The following CTNNA2 variants were observed in gnomAD, a reference collection of about 807,000 sequenced individuals.
The protein encoded by CTNNA2 is catenin alpha-2.
Under a neutral mutation model 101.0 loss-of-function variants are expected in CTNNA2, and 42 were observed. The observed-to-expected ratio is 0.42, with a 90% CI of 0.32 to 0.54. CTNNA2 has a LOEUF of 0.54. Among genes scored for constraint, CTNNA2 ranks in the 20% least tolerant of loss-of-function variants. CTNNA2 has a pLI of 0.14. For synonymous variants in CTNNA2, 450 were observed against 456.4 expected (o/e 0.99, Z 0.18); for missense variants, 871 against 1,223.1 (o/e 0.71, Z 4.29).
chr2:80,272,034 A>G (rs1359455339), intron 7 of CTNNA2, among the ~76,000 whole-genome samples: 1 of 152,212 alleles, frequency 6.6e-6, no homozygotes, highest in Non-Finnish European at 1.5e-5. Flanking sequence ...AGGAGGAAAC[A>G]CTTTTTGAAA....
At chr2:79,920,044 C>A in intron 7 of CTNNA2, among the ~76,000 whole-genome samples, 1 of 151,894 alleles carries the variant, frequency 6.6e-6, no homozygotes, top group East Asian at 1.9e-4. Flanking sequence ...TGGTGAAACC[C>A]CGTCTCTACA....
chr2:80,123,222 G>A (rs967659085), intron 7 of CTNNA2, among the ~76,000 whole-genome samples: 5 of 152,098 alleles, frequency 3.3e-5, no homozygotes, highest in South Asian at 2.1e-4. Context: ...CAAGCATTTC[G>A]TTCTTTTCTT....
chr2:80,199,112 C>A (rs149300330), intron 7 of CTNNA2, among the ~76,000 whole-genome samples: 2,522 of 126,730 alleles, frequency 0.02, 31 homozygotes, highest in South Asian at 0.058. Flanking sequence ...ACCCAGGAGG[C>A]GGAGGTTGCA....
intron 9 of CTNNA2, among the ~76,000 whole-genome samples, chr2:80,516,108 G>C (rs1689089577): frequency 6.6e-6 from 1 of 152,192 alleles, no homozygotes; most frequent in Non-Finnish European, 1.5e-5. Flanking sequence ...CTGAGGCAGA[G>C]TGTGTGAAGC....
intron 3 of CTNNA2, among the ~76,000 whole-genome samples, chr2:79,370,016 G>T (rs924747041): frequency 6.6e-6 from 1 of 152,158 alleles, no homozygotes; most frequent in Non-Finnish European, 1.5e-5. Flanking sequence ...GCGAAGAGGA[G>T]GTGCTCAACT....
At chr2:79,197,526 T>C (rs1673977252) in intron 1 of CTNNA2, among the ~76,000 whole-genome samples, 1 of 151,366 alleles carries the variant, frequency 6.6e-6, no homozygotes, top group South Asian at 2.1e-4. Flanking sequence ...GTCAGAGTTC[T>C]ACCATAATGT....
chr2:79,721,010 A>G (rs563068271), intron 2 of CTNNA2, among the ~76,000 whole-genome samples: 1 of 152,102 alleles, frequency 6.6e-6, no homozygotes, highest in East Asian at 1.9e-4. Flanking sequence ...GGGGTTTAAG[A>G]GCCAAAATTT....
chr2:79,874,386 TG>T, intron 6 of CTNNA2, 44 bp downstream of exon 6: 1 of 1,559,546 alleles, frequency 6.4e-7, no homozygotes, highest in Admixed American at 2.0e-5. Flanking sequence ...GCACTGGTGT[TG>T]ACAAAAAAAA....
Position 79,780,962 on chromosome 2 carries a change from G to T in CTNNA2, c.298+36380G>T, listed in dbSNP as rs550760591. ...AGATGTCCTAGTATTACAGAAAAAGGGTTCCAATCCAGACCCCAAGAGAGG... is the reference window on the plus strand; with the variant it reads ...AGATGTCCTAGTATTACAGAAAAAGTGTTCCAATCCAGACCCCAAGAGAGG... On this transcript the variant is annotated intron_variant, in intron 3 of 18. Coordinates refer to ENST00000402739, the MANE Select transcript of CTNNA2 (RefSeq NM_001282597.3). Among the ~76,000 whole-genome samples, 6 of 152,222 alleles carry T rather than the reference G, an allele frequency of 3.9e-5. No homozygotes were observed. The East Asian group carries it at 1.2e-3, about 29-fold the overall frequency.
intron 2 of CTNNA2, among the ~76,000 whole-genome samples, chr2:79,670,161 C>A (rs2104577635): frequency 1.3e-5 from 2 of 152,296 alleles, no homozygotes; most frequent in South Asian, 2.1e-4. Flanking sequence ...TCACGCCCTG[C>A]CAACTTGGAA....
chr2:79,544,023 C>G (rs1447210540), intron 1 of CTNNA2, among the ~76,000 whole-genome samples: 1 of 151,798 alleles, frequency 6.6e-6, no homozygotes, highest in African/African-American at 2.4e-5. Context: ...GCTGCAAACC[C>G]TGCCTCCTGG....
chr2:80,583,922 C>G (rs547018206), intron 14 of CTNNA2, among the ~76,000 whole-genome samples: 3 of 152,268 alleles, frequency 2.0e-5, no homozygotes, highest in African/African-American at 7.2e-5. Flanking sequence ...AGCACTCCTA[C>G]AAATTCAGCA....
chr2:80,331,657 C>A (rs370727953), intron 7 of CTNNA2, among the ~76,000 whole-genome samples: 1 of 152,108 alleles, frequency 6.6e-6, no homozygotes, highest in African/African-American at 2.4e-5. Context: ...GGTTATATTC[C>A]CGAGCAATGA....
intron 7 of CTNNA2, among the ~76,000 whole-genome samples, chr2:79,981,176 T>C (rs1336533308): frequency 6.6e-6 from 1 of 152,064 alleles, no homozygotes; most frequent in Non-Finnish European, 1.5e-5. Context: ...AAATAAATGA[T>C]ACAAAACTAA....
intron 2 of CTNNA2, among the ~76,000 whole-genome samples, chr2:79,209,154 A>G (rs1446708087): frequency 6.6e-6 from 1 of 152,226 alleles, no homozygotes; most frequent in Non-Finnish European, 1.5e-5. Flanking sequence ...CATCTCTACA[A>G]ATGAAACACA....
intron 7 of CTNNA2, among the ~76,000 whole-genome samples, chr2:80,294,295 A>G (rs972745137): frequency 2.0e-5 from 3 of 152,222 alleles, no homozygotes; most frequent in Non-Finnish European, 4.4e-5. Flanking sequence ...AATTCTAAAC[A>G]GCGCTTTGTA....
At chr2:80,579,544 A>G (rs191107714) in intron 13 of CTNNA2, 1 of 152,320 alleles carries the variant, frequency 6.6e-6, no homozygotes, top group East Asian at 1.9e-4. Flanking sequence ...AAATACAACC[A>G]GTTACTTGAA....
chr2:80,628,527 A>T (rs1420569034), intron 18 of CTNNA2, among the ~76,000 whole-genome samples: 1 of 151,778 alleles, frequency 6.6e-6, no homozygotes, highest in African/African-American at 2.4e-5. Context: ...GGCTAACCAT[A>T]TGCAGAAAGC....
At chr2:80,315,462 G>A (rs961319523) in intron 7 of CTNNA2, among the ~76,000 whole-genome samples, 26 of 152,116 alleles carry the variant, frequency 1.7e-4, no homozygotes, top group Non-Finnish European at 2.8e-4. Flanking sequence ...TCACTCACAG[G>A]GATGGCAATT....
Sources: gnomAD v4.1 joint callset for allele counts (sites outside exome capture counted in the v4.1 genomes callset) on GRCh38, gnomAD v4.1.1 for gene constraint, MANE v1.5 for transcripts, NCBI Gene and HGNC (gene_info 2026-07-23, HGNC 2026-07-21) for gene names.